Variants in DLGAP4 observed in about 807,000 individuals in gnomAD.
The protein encoded by DLGAP4 is DLG associated protein 4.
A neutral mutation model predicts 86.9 loss-of-function variants in DLGAP4; 18 were observed. The observed-to-expected ratio is 0.21, with a 90% CI of 0.14 to 0.31. The LOEUF (loss-of-function observed/expected upper bound fraction) is 0.31. Among genes scored for constraint, DLGAP4 ranks in the 10% least tolerant of loss-of-function variants. DLGAP4 has a pLI of 1.00. For missense variants in DLGAP4, 1,085 were observed against 1,362.6 expected (o/e 0.80, Z 3.21); for synonymous variants, 548 against 574.3 (o/e 0.95, Z 0.65).
At chr20:36,420,949 G>C (rs1211157044) in intron 2 of DLGAP4, among the ~76,000 whole-genome samples, 2 of 151,804 alleles carry the variant, frequency 1.3e-5, no homozygotes, top group Non-Finnish European at 2.9e-5. Context: ...CTCCAGCTTG[G>C]GCAACAAGAG....
Position 36,527,140 on chromosome 20 carries a change from C to A in DLGAP4, c.*109C>A. 8.4e-7 allele frequency: 1 copy of A among 1,194,226 alleles called. No individual in the cohort carries two copies. Among genetic ancestry groups the A allele is most frequent in the Non-Finnish European group, 1.1e-6 (1 of 883,866 alleles). 74.0% of individuals were successfully genotyped at this position (1,194,226 alleles called of 1,614,324 possible). A position where few individuals can be genotyped will look rare whatever the true frequency, so the allele number is the denominator to read the frequency against. ...TGCTATGGTTATTCTGTCTAGAGAC[C>A]CTGAGCCAACTTTCAAATTGACGCA... On this transcript the variant is annotated 3_prime_UTR_variant, in exon 13 of 13. Transcript: ENST00000339266.
Position 36,482,766 on chromosome 20 carries a change from G to C in DLGAP4, c.1649-13939G>C, listed in dbSNP as rs541857999. ...GGTTCACTACAACCTCTGTCTCCCGGGTTCAAGTGATCCCCACACCTCAGC... is the reference window on the plus strand; with the variant it reads ...GGTTCACTACAACCTCTGTCTCCCGCGTTCAAGTGATCCCCACACCTCAGC... On this transcript the variant is annotated intron_variant, in intron 7 of 12. Coordinates refer to ENST00000339266, the MANE Select transcript of DLGAP4 (RefSeq NM_001365621.2). Among the ~76,000 whole-genome samples, 7 of 152,246 alleles carry C rather than the reference G, an allele frequency of 4.6e-5. No homozygotes were observed. In the South Asian group the frequency reaches 1.4e-3, roughly 32 times the overall value.
intron 11 of DLGAP4, 137 bp from the exon 12 acceptor site, chr20:36,525,714 T>C: frequency 1.7e-6 from 2 of 1,158,088 alleles, no homozygotes; most frequent in Admixed American, 2.2e-5. Context: ...TTCATACAGA[T>C]ACTTACCCAG....
intron 7 of DLGAP4, among the ~76,000 whole-genome samples, chr20:36,488,451 A>G (rs1232928092): frequency 6.6e-6 from 1 of 152,214 alleles, no homozygotes; most frequent in Admixed American, 6.5e-5. Context: ...TTATGTTCAC[A>G]GAGTCATAGT....
At chr20:36,316,145 A>G (rs2065097157) in intron 1 of DLGAP4, among the ~76,000 whole-genome samples, 8 of 152,184 alleles carry the variant, frequency 5.3e-5, no homozygotes, top group Admixed American at 5.2e-4. Context: ...TTTTGGCAAC[A>G]GCCTTCATGG....
chr20:36,513,816 A>G (rs987386385), intron 10 of DLGAP4, among the ~76,000 whole-genome samples: 2 of 152,184 alleles, frequency 1.3e-5, no homozygotes, highest in Non-Finnish European at 2.9e-5. Context: ...AGAGGATGGC[A>G]TTGCCACTGA....
chr20:36,411,278 C>T (rs570894532), intron 2 of DLGAP4, among the ~76,000 whole-genome samples: 2 of 152,244 alleles, frequency 1.3e-5, no homozygotes, highest in East Asian at 3.9e-4. Flanking sequence ...CGTGGGCCAC[C>T]GCGCCTGGCC....
At chr20:36,317,431 T>C (rs1385557305) in intron 1 of DLGAP4, among the ~76,000 whole-genome samples, 1 of 15,072 alleles carries the variant, frequency 6.6e-5, no homozygotes, top group Non-Finnish European at 1.4e-4. Context: ...TTTCTTTTCT[T>C]CTTTCTTTTC....
chr20:36,494,184 C>G (rs763434891), intron 7 of DLGAP4, among the ~76,000 whole-genome samples: 3 of 152,098 alleles, frequency 2.0e-5, no homozygotes, highest in Non-Finnish European at 4.4e-5. Context: ...TTCAAACAGA[C>G]GAGTAGGAAG....
At chr20:36,510,707 A>G (rs1296330711) in intron 10 of DLGAP4, among the ~76,000 whole-genome samples, 2 of 149,844 alleles carry the variant, frequency 1.3e-5, no homozygotes, top group Non-Finnish European at 3.0e-5. Context: ...CACTGCGCCC[A>G]GCTGACACCT....
At position 36,404,698 on chromosome 20, in the gene DLGAP4, TAGTG is replaced by T. The variant is rs1164350263; in HGVS notation, c.-72-26945_-72-26942del. Among the ~76,000 whole-genome samples, 6 of 152,300 alleles carry T rather than the reference TAGTG, an allele frequency of 3.9e-5. No individual in the cohort carries two copies. The East Asian group carries it at 7.7e-4, about 20-fold the overall frequency. ...AGTCTTCCCCACAAGACAGCTCTCT[TAGTG>T]AGCACTGGCCTAGCCCACGGGAGAT... is the stretch of plus-strand genomic sequence containing the variant. On this transcript the variant is annotated intron_variant, in intron 2 of 12. Coordinates refer to ENST00000339266, the MANE Select transcript of DLGAP4 (RefSeq NM_001365621.2).
Position 36,500,717 on chromosome 20 carries a change from T to A in DLGAP4, c.2512+106T>A, listed in dbSNP as rs2036109297. The A allele has an allele frequency of 8.8e-7, 1 of 1,135,954 alleles. No homozygotes were observed. The highest frequency in any genetic ancestry group is 1.2e-6 in the Non-Finnish European group (1 of 856,900). The allele number at this position is 1,135,954 out of a possible 1,614,324, so 70.4% of individuals were successfully genotyped here. A position where few individuals can be genotyped will look rare whatever the true frequency, so the allele number is the denominator to read the frequency against. ...ACTTCTGAGTGGGGGTCTCTTAGGT[T>A]CTCTTCTTGGGCTAGTTTTTGAGCT... On this transcript the variant is annotated intron_variant, in intron 10 of 12. Coordinates refer to ENST00000339266, the MANE Select transcript of DLGAP4 (RefSeq NM_001365621.2). This position sits in a 1 kb window ranked among gnomAD's most constrained non-coding sequence, Gnocchi z 4.6.
chr20:36,490,763 C>T (rs1569517543), intron 7 of DLGAP4, among the ~76,000 whole-genome samples: 2 of 152,212 alleles, frequency 1.3e-5, no homozygotes, highest in Admixed American at 6.5e-5. Context: ...GGACCAAGTT[C>T]AGCCTGGCCT....
rs937129342 is a variant in DLGAP4 at position 36,405,095 on chromosome 20, A to T, written c.-72-26551A>T. Among the ~76,000 whole-genome samples the T allele has an allele frequency of 2.6e-5, 4 of 152,276 alleles. No homozygotes were observed. The South Asian group carries it at 8.3e-4, about 32-fold the overall frequency. On this transcript the variant is annotated intron_variant, in intron 2 of 12. Transcript: ENST00000339266. Reference sequence around the variant, plus strand: ...GAAGAGCGAATGGCATGGGCTAGAGATGCTGCCACAGAAGTGGGCAAGGGC... The same window carrying T: ...GAAGAGCGAATGGCATGGGCTAGAGTTGCTGCCACAGAAGTGGGCAAGGGC...
At chr20:36,339,255 T>A (rs1290313619) in intron 1 of DLGAP4, among the ~76,000 whole-genome samples, 6 of 151,968 alleles carry the variant, frequency 3.9e-5, no homozygotes, top group Admixed American at 3.3e-4. Flanking sequence ...GCCTGGCTAA[T>A]TTTTGTATTT....
intron 2 of DLGAP4, among the ~76,000 whole-genome samples, chr20:36,375,952 A>C (rs974502694): frequency 2.6e-5 from 4 of 152,088 alleles, no homozygotes; most frequent in African/African-American, 9.6e-5. Context: ...GCAGTGAGCT[A>C]TGATCCCACC....
At chr20:36,497,500 G>A (rs942399166) in intron 8 of DLGAP4, 2 of 1,006,356 alleles carry the variant, frequency 2.0e-6, no homozygotes, top group Admixed American at 5.3e-5. Context: ...GCAGCATGGA[G>A]CATAGACGCT....
At chr20:36,438,703 CTTTT>C (rs35909803) in intron 4 of DLGAP4, among the ~76,000 whole-genome samples, 1 of 69,550 alleles carries the variant, frequency 1.4e-5, no homozygotes, top group Admixed American at 1.9e-4. Context: ...GTTTCCCCAT[CTTTT>C]TTTTTTTTTT....
In DLGAP4 at chr20:36,446,749, G is replaced by A. The variant is rs1319199772; in HGVS notation, c.1460G>A (p.Cys487Tyr). The A allele has an allele frequency of 1.9e-6, 3 of 1,612,862 alleles. No homozygotes were observed. The highest frequency in any genetic ancestry group is 1.3e-5 in the African/African-American group (1 of 75,042). The change falls in exon 7 of 13, where the codon TGC becomes TAC. Residue 487 changes from cysteine (C) to tyrosine (Y), a missense_variant. Around this residue, in one of 2 missense-constraint regions of DLGAP4, gnomAD observed 1,082 missense variants for 1,344.1 expected, o/e 0.81. Coordinates refer to ENST00000339266, the MANE Select transcript of DLGAP4 (RefSeq NM_001365621.2). ...DQYEAACESA[C>Y]SEAESTAAET... is the part of the protein sequence containing the mutation. ...TATGAGGCGGCCTGCGAGTCAGCCTGCAGTGAAGCGGAGTCCACAGCGGCA... is the reference window on the plus strand; with the variant it reads ...TATGAGGCGGCCTGCGAGTCAGCCTACAGTGAAGCGGAGTCCACAGCGGCA...
Sources: allele counts gnomAD v4.1 joint callset (sites outside exome capture counted in the v4.1 genomes callset), GRCh38; gene constraint gnomAD v4.1.1; regional missense constraint gnomAD v4.1.1; non-coding constraint Gnocchi (gnomAD v3.1); transcripts MANE v1.5; gene names NCBI Gene and HGNC (gene_info 2026-07-23, HGNC 2026-07-21).